RABGAP1: variants seen among roughly 807,000 people sequenced by gnomAD.
The protein encoded by RABGAP1 is RAB GTPase activating protein 1, also known as rab GTPase-activating protein 1.
A neutral mutation model predicts 137.6 loss-of-function variants in RABGAP1; 23 were observed. That is an observed-to-expected ratio of 0.17 (90% CI 0.12 to 0.24). RABGAP1 has a LOEUF of 0.24. RABGAP1 is among the 10% of genes least tolerant of loss of function. RABGAP1 has a pLI of 1.00. For synonymous variants in RABGAP1, 451 were observed against 450.7 expected (o/e 1.00, Z -0.01); for missense variants, 906 against 1,275.8 (o/e 0.71, Z 4.42).
chr9:123,039,175 A>G (rs557047437), intron 13 of RABGAP1, among the ~76,000 whole-genome samples: 5 of 152,204 alleles, frequency 3.3e-5, no homozygotes, highest in Admixed American at 2.0e-4. Context: ...TTGAAGCTCA[A>G]TGCTACACCA....
At chr9:122,950,377 C>CTTTCTTTTTTTTTTTTT (rs1834167534) in intron 1 of RABGAP1, among the ~76,000 whole-genome samples, 1 of 74,492 alleles carries the variant, frequency 1.3e-5, no homozygotes, top group African/African-American at 5.3e-5. Flanking sequence ...CTTTTTCTTT[C>CTTTCTTTTTTTTTTTTT]TTTTTTTTTT....
chr9:123,030,442 T>C (rs1363416735), intron 13 of RABGAP1, among the ~76,000 whole-genome samples: 1 of 152,204 alleles, frequency 6.6e-6, no homozygotes, highest in Non-Finnish European at 1.5e-5. Context: ...AGTGTTGATT[T>C]TTAATGTATT....
At chr9:123,014,321 C>T (rs562493207) in intron 11 of RABGAP1, among the ~76,000 whole-genome samples, 7 of 151,980 alleles carry the variant, frequency 4.6e-5, no homozygotes, top group African/African-American at 7.2e-5. Context: ...AAATTAGAAA[C>T]GATTTAATTT....
chr9:123,056,662 A>G (rs970155838), intron 13 of RABGAP1, among the ~76,000 whole-genome samples: 3 of 151,674 alleles, frequency 2.0e-5, no homozygotes, highest in Admixed American at 2.0e-4. Context: ...GGTACTTGAG[A>G]TTAGGGAGTG....
At chr9:123,072,879 C>T (rs2034399833) in intron 15 of RABGAP1, among the ~76,000 whole-genome samples, 1 of 152,110 alleles carries the variant, frequency 6.6e-6, no homozygotes, top group Non-Finnish European at 1.5e-5. Flanking sequence ...ATAACATTTC[C>T]AGTGCTTCTT....
At chr9:123,065,728 A>C (rs1490161026) in intron 14 of RABGAP1, 2 of 398,930 alleles carry the variant, frequency 5.0e-6, no homozygotes, top group East Asian at 1.2e-4. Context: ...TAGACTTTCA[A>C]AATTTGTTTT....
intron 25 of RABGAP1, 48 bp downstream of exon 25, chr9:123,101,811 A>T (rs770823827): frequency 6.6e-7 from 1 of 1,519,502 alleles, no homozygotes; most frequent in Non-Finnish European, 8.8e-7. Flanking sequence ...GGGTTTCCTG[A>T]TGTGCACTAG....
intron 10 of RABGAP1, among the ~76,000 whole-genome samples, chr9:122,999,933 A>G (rs555798569): frequency 6.6e-6 from 1 of 151,904 alleles, no homozygotes; most frequent in Non-Finnish European, 1.5e-5. Context: ...ATTTTTATCA[A>G]CTTTTAATCT....
At chr9:123,006,860 C>G (rs2030322894) in intron 10 of RABGAP1, among the ~76,000 whole-genome samples, 1 of 152,132 alleles carries the variant, frequency 6.6e-6, no homozygotes, top group African/African-American at 2.4e-5. Context: ...CCACCCGCCT[C>G]AGCCTCCTAA....
intron 1 of RABGAP1, among the ~76,000 whole-genome samples, chr9:122,949,552 G>T (rs1271295594): frequency 6.6e-6 from 1 of 151,582 alleles, no homozygotes; most frequent in Non-Finnish European, 1.5e-5. Context: ...AAAATTAGCT[G>T]GGCGTGGTGG....
chr9:122,964,053 A>G (rs1230371590), intron 2 of RABGAP1, among the ~76,000 whole-genome samples: 2 of 152,234 alleles, frequency 1.3e-5, no homozygotes, highest in Admixed American at 1.3e-4. Context: ...CAGATCTATA[A>G]CAAAGAGATT....
At chr9:122,987,881 T>C (rs1273636798) in intron 4 of RABGAP1, among the ~76,000 whole-genome samples, 1 of 152,234 alleles carries the variant, frequency 6.6e-6, no homozygotes, top group African/African-American at 2.4e-5. Flanking sequence ...CTAGAAATAT[T>C]GATCTAGTTT....
intron 21 of RABGAP1, among the ~76,000 whole-genome samples, chr9:123,094,222 C>G (rs1182867706): frequency 6.6e-6 from 1 of 152,154 alleles, no homozygotes; most frequent in Non-Finnish European, 1.5e-5. Flanking sequence ...TCATATTTAT[C>G]TGCCTCTCTT....
chr9:123,083,054 A>G (rs1690233122), intron 19 of RABGAP1, among the ~76,000 whole-genome samples: 1 of 152,210 alleles, frequency 6.6e-6, no homozygotes. Context: ...CAGTGACCAT[A>G]TGAGGGCCTT....
chr9:122,998,149 G>C (rs1302679347), intron 9 of RABGAP1, among the ~76,000 whole-genome samples: 1 of 151,730 alleles, frequency 6.6e-6, no homozygotes, highest in Non-Finnish European at 1.5e-5. Flanking sequence ...ATCCAGGCTG[G>C]AATGCAGTGG....
At chr9:123,006,676 T>A (rs1358437804) in intron 10 of RABGAP1, among the ~76,000 whole-genome samples, 1 of 152,162 alleles carries the variant, frequency 6.6e-6, no homozygotes, top group African/African-American at 2.4e-5. Context: ...GGTGCGATCT[T>A]GGCTCACTGC....
chr9:123,032,672 C>T (rs1490389135), intron 13 of RABGAP1, among the ~76,000 whole-genome samples: 2 of 152,104 alleles, frequency 1.3e-5, no homozygotes, highest in Non-Finnish European at 2.9e-5. Context: ...TGTTTATTGT[C>T]TTTTATTCTG....
intron 12 of RABGAP1, among the ~76,000 whole-genome samples, chr9:123,017,035 G>A (rs1447779842): frequency 1.3e-5 from 2 of 152,186 alleles, no homozygotes; most frequent in African/African-American, 4.8e-5. Flanking sequence ...AAAAACCAGA[G>A]TAATAGTTTT....
At chr9:122,933,598 G>A in the RABGAP1 span, among the ~76,000 whole-genome samples, 1 of 151,596 alleles carries the variant, frequency 6.6e-6, no homozygotes. Context: ...GATTATGGGC[G>A]CCTGCCACCA....
Sources: gnomAD v4.1 joint callset for allele counts (sites outside exome capture counted in the v4.1 genomes callset) on GRCh38, gnomAD v4.1.1 for gene constraint, MANE v1.5 for transcripts, NCBI Gene and HGNC (gene_info 2026-07-23, HGNC 2026-07-21) for gene names.